The following CD164 variants were observed in gnomAD, a reference collection of about 807,000 sequenced individuals.
CD164 encodes sialomucin core protein 24.
Under a neutral mutation model 24.6 loss-of-function variants are expected in CD164, and 11 were observed. The observed-to-expected ratio is 0.45, with a 90% CI of 0.28 to 0.74. CD164 has a LOEUF of 0.74. Ranked by LOEUF, CD164 falls within the 30% of genes least tolerant of loss-of-function variation. CD164 has a pLI of 0.13. For missense variants in CD164, 295 were observed against 243.7 expected, an observed-to-expected ratio of 1.21 and a Z score of -1.40; for synonymous variants, 126 against 100.3, an observed-to-expected ratio of 1.26 and a Z score of -1.53.
intron 5 of CD164, 136 bp downstream of exon 5, chr6:109,370,275 T>C: frequency 1.5e-6 from 1 of 672,294 alleles, no homozygotes; most frequent in East Asian, 2.9e-5. Context: ...ACTACCTTGA[T>C]CCCCCCTAAG....
chr6:109,376,012 AATCC>A, intron 4 of CD164, 58 bp downstream of exon 4: 1 of 1,218,458 alleles, frequency 8.2e-7, no homozygotes, highest in Non-Finnish European at 1.2e-6. Context: ...ATTTAAAACT[AATCC>A]ATCAAGAAAG....
chr6:109,368,788 G>T lies in CD164; in HGVS notation c.*63C>A. The T allele has an allele frequency of 6.5e-7, 1 of 1,545,516 alleles. No individual in the cohort carries two copies. The highest frequency in any genetic ancestry group is 8.7e-7 in the Non-Finnish European group (1 of 1,151,814). On this transcript the variant is annotated 3_prime_UTR_variant, in exon 6 of 6. Coordinates refer to ENST00000310786, the MANE Select transcript of CD164 (RefSeq NM_006016.6). ...TCCATGTGGGACATCTTAAAAGATA[G>T]TATTTTGGCTTCAGTGAGTTACACA...
Position 109,368,313 on chromosome 6 carries a change from TGGC to T in CD164, c.*535_*537del, listed in dbSNP as rs1358022184. 1.3e-6 allele frequency: 2 copies of T among 1,543,534 alleles called. No individual in the cohort carries two copies. Among genetic ancestry groups the T allele is most frequent in the African/African-American group, 2.7e-5 (2 of 72,750 alleles). The stretch of plus-strand genomic sequence containing the variant: ...TAAATCTGGAATGTAGTTCCTTGTG[TGGC>T]ATCTTATTTCTAATGTAGAAAAAAC... On this transcript the variant is annotated 3_prime_UTR_variant, in exon 6 of 6. Coordinates refer to ENST00000310786, the MANE Select transcript of CD164 (RefSeq NM_006016.6).
chr6:109,373,413 G>A (rs1420852819), intron 4 of CD164, among the ~76,000 whole-genome samples: 4 of 152,242 alleles, frequency 2.6e-5, no homozygotes, highest in South Asian at 2.1e-4. Context: ...ACACATGCCC[G>A]GAAAAGAAAC....
At chr6:109,370,537 A>C in intron 4 of CD164, 70 bp from the exon 5 acceptor site, 1 of 1,356,100 alleles carries the variant, frequency 7.4e-7, no homozygotes, top group Non-Finnish European at 1.0e-6. Context: ...TAACAGCTTT[A>C]AAAAATAATC....
chr6:109,382,429 G>A lies in CD164; in HGVS notation c.-51C>T, dbSNP rs1472904838. 76 of 1,448,934 alleles carry A rather than the reference G, an allele frequency of 5.2e-5. No individual in the cohort carries two copies. The highest frequency in any genetic ancestry group is 6.9e-5 in the Non-Finnish European group (75 of 1,093,192). The allele number at this position is 1,448,934 out of a possible 1,614,324, so 89.8% of individuals were successfully genotyped here. A position where few individuals can be genotyped will look rare whatever the true frequency, so the allele number is the denominator to read the frequency against. ...AGAAAGCTAAGGCTCGCAACGCTCA[G>A]TCAACCCCTCAATCCCCTGCGGCGC... On this transcript the variant is annotated 5_prime_UTR_variant, in exon 1 of 6. Coordinates refer to ENST00000310786, the MANE Select transcript of CD164 (RefSeq NM_006016.6).
chr6:109,372,024 G>A (rs1771102251), intron 4 of CD164: 1 of 152,292 alleles, frequency 6.6e-6, no homozygotes, highest in Admixed American at 6.5e-5. Flanking sequence ...GAAAACAAAT[G>A]TTACTTCTGT....
At chr6:109,375,969 C>T in intron 4 of CD164, 105 bp downstream of exon 4, 1 of 901,574 alleles carries the variant, frequency 1.1e-6, no homozygotes, top group Non-Finnish European at 1.7e-6. Flanking sequence ...TTTTACTCAT[C>T]TTTAAAATTA....
intron 2 of CD164, among the ~76,000 whole-genome samples, chr6:109,378,636 A>C (rs1444478691): frequency 6.6e-6 from 1 of 152,186 alleles, no homozygotes; most frequent in Non-Finnish European, 1.5e-5. Context: ...AACCTTTCCC[A>C]ACAAATCTTA....
intron 2 of CD164, among the ~76,000 whole-genome samples, chr6:109,378,312 T>A (rs926382780): frequency 6.6e-6 from 1 of 152,146 alleles, no homozygotes; most frequent in Non-Finnish European, 1.5e-5. Flanking sequence ...AGTGGGCAGG[T>A]GGCTCACGCC....
Position 109,368,155 on chromosome 6 carries a change from C to A in CD164, c.*696G>T. 1 of 898,522 alleles carries A rather than the reference C, an allele frequency of 1.1e-6. No individual in the cohort carries two copies. The highest frequency in any genetic ancestry group is 1.9e-5 in the South Asian group (1 of 53,240). 55.7% of individuals were successfully genotyped at this position (898,522 alleles called of 1,614,324 possible). ...CCTTCCTTAATGTCAAAGAACAAAT[C>A]ATAGACATTAAGCTAGAGCTTACCT... is the stretch of plus-strand genomic sequence containing the variant. On this transcript the variant is annotated 3_prime_UTR_variant, in exon 6 of 6. Transcript: ENST00000310786.
chr6:109,381,311 C>A (rs1396443959), intron 1 of CD164, among the ~76,000 whole-genome samples: 1 of 152,228 alleles, frequency 6.6e-6, no homozygotes, highest in African/African-American at 2.4e-5. Context: ...AAGACACGCT[C>A]CTGATCGGGT....
At chr6:109,377,170 G>T (rs1170086612) in intron 3 of CD164, among the ~76,000 whole-genome samples, 1 of 152,126 alleles carries the variant, frequency 6.6e-6, no homozygotes, top group Non-Finnish European at 1.5e-5. Context: ...ACTATATTAT[G>T]CACCCTGTGT....
rs757430967 is a variant in CD164 at position 109,377,936 on chromosome 6, C to T, written c.295G>A (p.Asp99Asn). 2.5e-6 allele frequency: 4 copies of T among 1,613,934 alleles called. No individual in the cohort carries two copies. The highest frequency in any genetic ancestry group is 3.4e-6 in the Non-Finnish European group (4 of 1,179,956). The change falls in exon 3 of 6, where the codon GAT becomes AAT. Residue 99 changes from aspartate to asparagine, a missense_variant. Transcript: ENST00000310786. ...TCTGTCGTGTTCCCCACTTGACAAT[C>T]ACTAACTGTTGAGTTATGTGAACAA... is the stretch of plus-strand genomic sequence containing the variant. ...SYCSHNSTVS[D>N]CQVGNTTDFC... is the part of the protein sequence containing the mutation.
In CD164 at chr6:109,382,425, C is replaced by T. The variant is rs753447502; in HGVS notation, c.-47G>A. The T allele has an allele frequency of 3.4e-6, 5 of 1,458,054 alleles. No individual in the cohort carries two copies. The Admixed American group carries it at 8.9e-5, about 26-fold the overall frequency. The allele number at this position is 1,458,054 out of a possible 1,614,324, so 90.3% of individuals were successfully genotyped here. On this transcript the variant is annotated 5_prime_UTR_variant, in exon 1 of 6. Transcript: ENST00000310786. ...CGGGAGAAAGCTAAGGCTCGCAACG[C>T]TCAGTCAACCCCTCAATCCCCTGCG...
At chr6:109,372,304 T>C (rs926623272) in intron 4 of CD164, 1 of 152,168 alleles carries the variant, frequency 6.6e-6, no homozygotes, top group African/African-American at 2.4e-5. Flanking sequence ...ACCTGAATTG[T>C]TGCTAAAAGT....
chr6:109,373,730 C>T (rs1458631721), intron 4 of CD164, among the ~76,000 whole-genome samples: 1 of 152,238 alleles, frequency 6.6e-6, no homozygotes, highest in African/African-American at 2.4e-5. Context: ...CAACCTTCAA[C>T]ATCCTACTTA....
In CD164 at chr6:109,382,444, C is replaced by G. The variant is rs1400159381; in HGVS notation, c.-66G>C. The G allele has an allele frequency of 3.4e-5, 46 of 1,368,900 alleles. No individual in the cohort carries two copies. The highest frequency in any genetic ancestry group is 4.2e-5 in the Non-Finnish European group (44 of 1,046,016). 84.8% of individuals were successfully genotyped at this position (1,368,900 alleles called of 1,614,324 possible). ...GCAACGCTCAGTCAACCCCTCAATC[C>G]CCTGCGGCGCCGCCTCCGAGACTAC... On this transcript the variant is annotated 5_prime_UTR_variant, in exon 1 of 6. Transcript: ENST00000310786.
At position 109,377,913 on chromosome 6, in the gene CD164, T is replaced by C; in HGVS notation, c.318A>G (p.Thr106=). The C allele has an allele frequency of 6.2e-7, 1 of 1,613,310 alleles. No homozygotes were observed. The highest frequency in any genetic ancestry group is 8.5e-7 in the Non-Finnish European group (1 of 1,179,312). The change falls in exon 3 of 6, where the codon ACA becomes ACG. Residue 106 remains threonine, a synonymous_variant. Coordinates refer to ENST00000310786, the MANE Select transcript of CD164 (RefSeq NM_006016.6). ...TVSDCQVGNT[T]DFCSVSTATP... The stretch of plus-strand genomic sequence containing the variant: ...ATGAATACTTACCGGAACAGAAGTC[T>C]GTCGTGTTCCCCACTTGACAATCAC...
Sources: allele counts gnomAD v4.1 joint callset (sites outside exome capture counted in the v4.1 genomes callset), GRCh38; gene constraint gnomAD v4.1.1; transcripts MANE v1.5; gene names NCBI Gene and HGNC (gene_info 2026-07-23, HGNC 2026-07-21).